The following PRRC2B variants were observed in gnomAD, a reference collection of about 807,000 sequenced individuals.
PRRC2B encodes protein PRRC2B.
In PRRC2B, 68 loss-of-function variants were observed where a neutral mutation model predicts 242.3. That is an observed-to-expected ratio of 0.28 (90% CI 0.23 to 0.34). The LOEUF (loss-of-function observed/expected upper bound fraction) is 0.34. Among genes scored for constraint, PRRC2B ranks in the 10% least tolerant of loss-of-function variants. PRRC2B has a pLI of 1.00. For missense variants in PRRC2B, 2,835 were observed against 2,954.8 expected (o/e 0.96, Z 0.94); for synonymous variants, 1,228 against 1,173.6 (o/e 1.05, Z -0.95).
chr9:131,452,284 G>A (rs1229895833), intron 9 of PRRC2B, among the ~76,000 whole-genome samples: 2 of 152,106 alleles, frequency 1.3e-5, no homozygotes, highest in East Asian at 3.8e-4. Context: ...TGAGTGGCTG[G>A]GGTTACAGGT....
rs1312229510 is a variant in PRRC2B at position 131,475,761 on chromosome 9, A to C, written c.3632A>C (p.Asn1211Thr). ...CGAGCCCTCCCTCCCCGGCTGAGCAATTGCGGGTATGGACGGAGAACCTTC... is the reference window on the plus strand; with the variant it reads ...CGAGCCCTCCCTCCCCGGCTGAGCACTTGCGGGTATGGACGGAGAACCTTC... ...FGRALPPRLS[N>T]CGYGRRTFVS... Residue 1211 changes from asparagine to threonine, a missense_variant, in exon 16 of 32, where the codon AAT (asparagine) becomes ACT (threonine). By Grantham distance (65) the Asn-to-Thr change is moderately conservative (BLOSUM62 0). Coordinates refer to ENST00000683519, the MANE Select transcript of PRRC2B (RefSeq NM_013318.4). The C allele has an allele frequency of 6.2e-7, 1 of 1,613,648 alleles. No homozygotes were observed. Among genetic ancestry groups the C allele is most frequent in the African/African-American group, 1.3e-5 (1 of 75,064 alleles).
intron 1 of PRRC2B, among the ~76,000 whole-genome samples, chr9:131,394,768 G>C (rs1836996333): frequency 6.6e-6 from 1 of 151,790 alleles, no homozygotes; most frequent in Admixed American, 6.6e-5. Context: ...GGCGTTCGCG[G>C]GGCCGTTCCT....
Position 131,459,264 on chromosome 9 carries a change from G to T in PRRC2B, c.1312G>T (p.Ala438Ser). 6.2e-7 allele frequency: 1 copy of T among 1,614,000 alleles called. No homozygotes were observed. The highest frequency in any genetic ancestry group is 8.5e-7 in the Non-Finnish European group (1 of 1,179,896). The change falls in exon 11 of 32, where the codon GCA (alanine) becomes TCA (serine). Residue 438 changes from alanine to serine, a missense_variant. Physicochemically the swap from Ala to Ser is moderately conservative, Grantham distance 99. Around this residue, in one of 7 missense-constraint regions of PRRC2B, gnomAD observed 626 missense variants for 685.5 expected, o/e 0.91. Transcript: ENST00000683519. ...AGAGGAAGGGAAGGACTGGGCTGAA[G>T]CAGTGGGTGCGTCCCGTGTGGTCCG... ...TREEGKDWAE[A>S]VGASRVVRKA... is the part of the protein sequence containing the mutation.
chr9:131,476,362 T>A lies in PRRC2B; in HGVS notation c.4233T>A (p.Gly1411=). 1 of 1,595,436 alleles carries A rather than the reference T, an allele frequency of 6.3e-7. No homozygotes were observed. The highest frequency in any genetic ancestry group is 8.5e-7 in the Non-Finnish European group (1 of 1,171,122). The change falls in exon 16 of 32, where the codon GGT becomes GGA. Residue 1411 remains glycine, a synonymous_variant. Coordinates refer to ENST00000683519, the MANE Select transcript of PRRC2B (RefSeq NM_013318.4). ...VDGGLSGASL[G]EKKELAKRSF... ...GTGGCCTGTCGGGGGCTAGTTTGGG[T>A]GAGAAGAAGGAGCTGGCCAAGAGGA...
chr9:131,383,050 C>T (rs757354890), intron 1 of PRRC2B, among the ~76,000 whole-genome samples: 69 of 152,122 alleles, frequency 4.5e-4, no homozygotes, highest in Non-Finnish European at 9.3e-4. Flanking sequence ...CACTCCCATC[C>T]CCAGGCCTTT....
chr9:131,428,353 T>TGG (rs1362416845), intron 1 of PRRC2B, among the ~76,000 whole-genome samples: 1 of 152,174 alleles, frequency 6.6e-6, no homozygotes, highest in East Asian at 1.9e-4. Context: ...CCTAAGTACC[T>TGG]GGGGCTACAG....
At chr9:131,466,804 TTTCTTTTTTTTTTTGGAGACGGA>T (rs1003813871) in intron 12 of PRRC2B, among the ~76,000 whole-genome samples, 1 of 151,294 alleles carries the variant, frequency 6.6e-6, no homozygotes, top group Non-Finnish European at 1.5e-5. Flanking sequence ...ACTTTCTTTT[TTTCTTTTTTTTTTTGGAGACGGA>T]TTCTCACTCT....
intron 31 of PRRC2B, 67 bp from the exon 32 acceptor site, chr9:131,495,673 G>A: frequency 6.5e-7 from 1 of 1,547,894 alleles, no homozygotes; most frequent in South Asian, 1.1e-5. Flanking sequence ...GGGAGTGGTG[G>A]GAACTATGTA....
intron 4 of PRRC2B, among the ~76,000 whole-genome samples, chr9:131,438,344 A>AG (rs1491267883): frequency 2.6e-5 from 4 of 151,742 alleles, no homozygotes; most frequent in Non-Finnish European, 5.9e-5. Flanking sequence ...TCTGAGCCTC[A>AG]GTGGGGGATG....
At chr9:131,406,708 A>C (rs1837370665) in intron 1 of PRRC2B, among the ~76,000 whole-genome samples, 1 of 152,244 alleles carries the variant, frequency 6.6e-6, no homozygotes, top group African/African-American at 2.4e-5. Context: ...TAGGAAACCT[A>C]GTCAACTTGG....
rs775882221 is a variant in PRRC2B at position 131,486,089 on chromosome 9, C to T, written c.5763C>T (p.Ser1921=). 2 of 1,609,792 alleles carry T rather than the reference C, an allele frequency of 1.2e-6. No individual in the cohort carries two copies. Among genetic ancestry groups the T allele is most frequent in the East Asian group, 2.2e-5 (1 of 44,806 alleles). Residue 1921 remains serine (S), a synonymous_variant, in exon 26 of 32, where the codon AGC becomes AGT. Transcript: ENST00000683519. ...SVAPSASMPG[S]HLPPLYLDGH... is the part of the protein sequence containing the mutation. ...CTTTTGCCGCTCTGTTTCCAGGCAG[C>T]CACCTCCCGCCCCTGTACCTGGATG...
At chr9:131,404,057 AGGTGTAAGCCAC>A (rs1837296016) in intron 1 of PRRC2B, among the ~76,000 whole-genome samples, 1 of 152,122 alleles carries the variant, frequency 6.6e-6, no homozygotes, top group Non-Finnish European at 1.5e-5. Context: ...CTAGGATTAC[AGGTGTAAGCCAC>A]CACACCCAGC....
intron 1 of PRRC2B, among the ~76,000 whole-genome samples, chr9:131,415,166 G>C (rs980381781): frequency 2.0e-5 from 3 of 151,220 alleles, no homozygotes; most frequent in Non-Finnish European, 1.5e-5. Context: ...GCTAATTTTT[G>C]TATTTTTAGT....
At chr9:131,444,590 C>T (rs945897923) in intron 6 of PRRC2B, among the ~76,000 whole-genome samples, 4 of 152,040 alleles carry the variant, frequency 2.6e-5, no homozygotes, top group African/African-American at 7.2e-5. Context: ...TTTTGCTGTG[C>T]CTGGTGGCTG....
At chr9:131,394,435 G>A (rs974929381) in intron 1 of PRRC2B, among the ~76,000 whole-genome samples, 172 bp downstream of exon 1, 2 of 146,352 alleles carry the variant, frequency 1.4e-5, no homozygotes, top group African/African-American at 4.9e-5. Flanking sequence ...CTTCCCGCCG[G>A]GCGCGGGGCT....
At position 131,475,957 on chromosome 9, in the gene PRRC2B, G is replaced by A. The variant is rs767194906; in HGVS notation, c.3828G>A (p.Ala1276=). The A allele has an allele frequency of 2.5e-6, 4 of 1,613,116 alleles. No individual in the cohort carries two copies. The African/African-American group carries it at 4.0e-5, about 16-fold the overall frequency. ...GCCGGGGCTTTGAGGACAGCCGCGC[G>A]GAGGACAAGAGATCCTTCTTCCAAG... ...FGGRGFEDSR[A]EDKRSFFQDE... The change falls in exon 16 of 32, where the codon GCG becomes GCA. Residue 1276 remains alanine (A), a synonymous_variant. Transcript: ENST00000683519.
At position 131,495,141 on chromosome 9, in the gene PRRC2B, TG is replaced by T. The variant is rs774420965; in HGVS notation, c.6556-593del. On this transcript the variant is annotated intron_variant, in intron 31 of 31. Coordinates refer to ENST00000683519, the MANE Select transcript of PRRC2B (RefSeq NM_013318.4). ...GCTTTCTTCCAGAGTTCAGACCTGG[TG>T]GGGGGCAGATGCGCTGGCTGCTCTG... is the stretch of plus-strand genomic sequence containing the variant. Among the ~76,000 whole-genome samples, 121 of 151,970 alleles carry T rather than the reference TG, an allele frequency of 8.0e-4. 1 individual carries two copies. Among genetic ancestry groups the T allele is most frequent in the Non-Finnish European group, 1.6e-3 (107 of 67,962 alleles).
chr9:131,435,013 C>A (rs1158927767), intron 3 of PRRC2B, among the ~76,000 whole-genome samples: 2 of 152,064 alleles, frequency 1.3e-5, no homozygotes, highest in Non-Finnish European at 2.9e-5. Context: ...AAAAAAAATT[C>A]TTGGCCGGGT....
chr9:131,491,182 C>T, intron 28 of PRRC2B: 4 of 459,378 alleles, frequency 8.7e-6, no homozygotes, highest in Non-Finnish European at 1.1e-5. Flanking sequence ...CTTAGTCTTG[C>T]CCGTTTTCTC....
Sources: allele counts gnomAD v4.1 joint callset (sites outside exome capture counted in the v4.1 genomes callset), GRCh38; gene constraint gnomAD v4.1.1; regional missense constraint gnomAD v4.1.1; transcripts MANE v1.5; gene names NCBI Gene and HGNC (gene_info 2026-07-23, HGNC 2026-07-21).